Variants in PDGFD observed in about 807,000 individuals in gnomAD.
PDGFD encodes the protein platelet-derived growth factor D.
PDGFD carries 30 observed loss-of-function variants against 44.7 expected under a neutral mutation model. The observed-to-expected ratio is 0.67, with a 90% CI of 0.50 to 0.91. The LOEUF is 0.91. Among genes scored for constraint, PDGFD ranks in the 40% least tolerant of loss-of-function variants. PDGFD has a pLI of 0.00. For missense variants in PDGFD, 445 were observed against 457.8 expected (o/e 0.97, Z 0.25); for synonymous variants, 173 against 168.4 (o/e 1.03, Z -0.21).
chr11:104,114,117 A>G (rs1861599090), intron 1 of PDGFD, among the ~76,000 whole-genome samples: 1 of 152,048 alleles, frequency 6.6e-6, no homozygotes, highest in Admixed American at 6.6e-5. Context: ...ATAGCTTATT[A>G]ATTCTTTCTA....
chr11:103,912,274 G>A lies in PDGFD; in HGVS notation c.988-2455C>T, dbSNP rs918878647. Among the ~76,000 whole-genome samples, 22 of 152,316 alleles carry A rather than the reference G, an allele frequency of 1.4e-4. No homozygotes were observed. In the East Asian group the frequency reaches 2.5e-3, roughly 17 times the overall value. ...AAGGGAAGCCAATCAGACTAACAGCGGATCTCCCGGCAGAAACCCTACAAG... is the reference window on the plus strand; with the variant it reads ...AAGGGAAGCCAATCAGACTAACAGCAGATCTCCCGGCAGAAACCCTACAAG... On this transcript the variant is annotated intron_variant, in intron 6 of 6. Coordinates refer to ENST00000393158, the MANE Select transcript of PDGFD (RefSeq NM_025208.5).
intron 5 of PDGFD, 28 bp from the exon 6 acceptor site, chr11:103,927,154 G>C (rs376795954): frequency 6.9e-6 from 11 of 1,590,722 alleles, no homozygotes; most frequent in Non-Finnish European, 9.5e-6. Flanking sequence ...CACTGTGTAA[G>C]CAAACACAAC....
intron 1 of PDGFD, among the ~76,000 whole-genome samples, chr11:104,060,763 T>C (rs1860700524): frequency 6.6e-6 from 1 of 152,218 alleles, no homozygotes; most frequent in African/African-American, 2.4e-5. Flanking sequence ...AACAGCTTTA[T>C]TGAAATACCA....
intron 1 of PDGFD, among the ~76,000 whole-genome samples, chr11:104,021,128 G>T (rs1471437064): frequency 6.6e-6 from 1 of 152,162 alleles, no homozygotes; most frequent in Non-Finnish European, 1.5e-5. Context: ...AAGGGTTCAT[G>T]CAATGGTAGC....
Position 104,163,959 on chromosome 11 carries a change from C to T in PDGFD, c.-32G>A. ...TCAGCGACTAGAGACAGCGTCGCTC[C>T]AAGAAAAAGCCGGGTTCTGCTCCCG... On this transcript the variant is annotated 5_prime_UTR_variant, in exon 1 of 7. Coordinates refer to ENST00000393158, the MANE Select transcript of PDGFD (RefSeq NM_025208.5). 1 of 1,499,436 alleles carries T rather than the reference C, an allele frequency of 6.7e-7. No individual in the cohort carries two copies. The highest frequency in any genetic ancestry group is 1.4e-5 in the South Asian group (1 of 73,232). The allele number at this position is 1,499,436 out of a possible 1,614,324, so 92.9% of individuals were successfully genotyped here. A position where few individuals can be genotyped will look rare whatever the true frequency, so the allele number is the denominator to read the frequency against.
intron 6 of PDGFD, among the ~76,000 whole-genome samples, chr11:103,920,667 C>T (rs1858200915): frequency 6.6e-6 from 1 of 152,242 alleles, no homozygotes; most frequent in South Asian, 2.1e-4. Context: ...CCAGACCAGG[C>T]TCTCATCTAA....
chr11:104,120,955 G>A (rs111773172), intron 1 of PDGFD, among the ~76,000 whole-genome samples: 1,559 of 151,988 alleles, frequency 0.01, 23 homozygotes, highest in African/African-American at 0.036. Flanking sequence ...AGTCTTTTAC[G>A]TAGCAGGCCC....
rs148243694 is a variant in PDGFD, at chr11:103,953,975, T to C, written c.511-6251A>G. On this transcript the variant is annotated intron_variant, in intron 3 of 6. Coordinates refer to ENST00000393158, the MANE Select transcript of PDGFD (RefSeq NM_025208.5). ...CAGCTCAGGGTCAGTCAGGCATTTG[T>C]CAGGCTCAATTTGAGAACAATTTAC... Among the ~76,000 whole-genome samples the C allele has an allele frequency of 1.2e-3, 185 of 152,288 alleles. 2 individuals are homozygous for C. The highest frequency in any genetic ancestry group is 2.0e-3 in the Non-Finnish European group (135 of 68,030).
chr11:104,099,249 T>C (rs1277029815), intron 1 of PDGFD, among the ~76,000 whole-genome samples: 1 of 152,160 alleles, frequency 6.6e-6, no homozygotes, highest in Admixed American at 6.6e-5. Context: ...CTCTAAAAAT[T>C]TGTCCTTCAC....
chr11:103,919,655 C>A (rs543625527), intron 6 of PDGFD, among the ~76,000 whole-genome samples: 2 of 151,770 alleles, frequency 1.3e-5, no homozygotes, highest in Admixed American at 1.3e-4. Context: ...ACTACAGGCA[C>A]GTGCCACCAC....
rs1479349564 is a variant in PDGFD at position 104,089,427 on chromosome 11, A to G, written c.124+74377T>C. Among the ~76,000 whole-genome samples, 7 of 152,182 alleles carry G rather than the reference A, an allele frequency of 4.6e-5. No homozygotes were observed. In the East Asian group the frequency reaches 1.2e-3, roughly 25 times the overall value. On this transcript the variant is annotated intron_variant, in intron 1 of 6. Coordinates refer to ENST00000393158, the MANE Select transcript of PDGFD (RefSeq NM_025208.5). ...ATTAACAGGTGACCACACAGGCTTC[A>G]TTTGCTATTTACAAAGGATTACACT...
intron 1 of PDGFD, among the ~76,000 whole-genome samples, chr11:104,104,332 T>G (rs923296909): frequency 3.3e-5 from 5 of 152,100 alleles, no homozygotes; most frequent in Non-Finnish European, 5.9e-5. Context: ...ATAGGCTAAG[T>G]GTACAGTGTT....
chr11:104,157,419 T>C (rs1862322399), intron 1 of PDGFD, among the ~76,000 whole-genome samples: 1 of 152,152 alleles, frequency 6.6e-6, no homozygotes, highest in Non-Finnish European at 1.5e-5. Flanking sequence ...CTGTCTAAAT[T>C]ACACCTTTCA....
intron 1 of PDGFD, among the ~76,000 whole-genome samples, chr11:104,056,777 G>T (rs1565322709): frequency 6.6e-6 from 1 of 151,894 alleles, no homozygotes; most frequent in Non-Finnish European, 1.5e-5. Context: ...AAAATAAACT[G>T]CATTTTTTTA....
In PDGFD at chr11:103,909,020, A is replaced by G. The variant is rs1375443161; in HGVS notation, c.*674T>C. Reference sequence around the variant, plus strand: ...TAAAAAACACAATGATTTAATTTCTAAAGCACTTATATTATTATGGCATGG... The same window carrying G: ...TAAAAAACACAATGATTTAATTTCTGAAGCACTTATATTATTATGGCATGG... On this transcript the variant is annotated 3_prime_UTR_variant, in exon 7 of 7. Transcript: ENST00000393158. 1 of 152,226 alleles carries G rather than the reference A, an allele frequency of 6.6e-6. No homozygotes were observed. The highest frequency in any genetic ancestry group is 1.5e-5 in the Non-Finnish European group (1 of 68,042). 9.4% of individuals were successfully genotyped at this position (152,226 alleles called of 1,614,324 possible).
chr11:104,164,016 C>A lies in PDGFD; in HGVS notation c.-89G>T, dbSNP rs1346024219. Reference sequence around the variant, plus strand: ...ACGCCGCGCCGCCCTGCGCTCTCGCCGCCTGCGCTCGCCCTGCGCTGGCCC... The same window carrying A: ...ACGCCGCGCCGCCCTGCGCTCTCGCAGCCTGCGCTCGCCCTGCGCTGGCCC... On this transcript the variant is annotated 5_prime_UTR_variant, in exon 1 of 7. Transcript: ENST00000393158. 1.5e-6 allele frequency: 2 copies of A among 1,365,996 alleles called. No homozygotes were observed. Among genetic ancestry groups the A allele is most frequent in the South Asian group, 3.6e-5 (2 of 56,214 alleles). 84.6% of individuals were successfully genotyped at this position (1,365,996 alleles called of 1,614,324 possible).
chr11:104,028,789 A>G (rs1345464894), intron 1 of PDGFD, among the ~76,000 whole-genome samples: 2 of 150,066 alleles, frequency 1.3e-5, no homozygotes, highest in African/African-American at 4.9e-5. Context: ...TAAAAAAAAA[A>G]TGCAGAAAAA....
intron 1 of PDGFD, among the ~76,000 whole-genome samples, chr11:104,048,967 AAAC>A (rs1485689399): frequency 1.3e-5 from 2 of 152,228 alleles, no homozygotes; most frequent in Non-Finnish European, 2.9e-5. Flanking sequence ...TGTAAGAATT[AAAC>A]AACATCTCCA....
At chr11:104,038,428 ATAATTCTTTC>A (rs1860290405) in intron 1 of PDGFD, 1 of 182,152 alleles carries the variant, frequency 5.5e-6, no homozygotes, top group Admixed American at 5.6e-5. Flanking sequence ...ATCAGCACTA[ATAATTCTTTC>A]TACTGAGAGA....
Sources: allele counts gnomAD v4.1 joint callset (sites outside exome capture counted in the v4.1 genomes callset), GRCh38; gene constraint gnomAD v4.1.1; transcripts MANE v1.5; gene names NCBI Gene and HGNC (gene_info 2026-07-23, HGNC 2026-07-21).